The following ADK variants were observed in gnomAD, a reference collection of about 807,000 sequenced individuals.
ADK encodes the protein adenosine kinase.
A neutral mutation model predicts 44.7 loss-of-function variants in ADK; 24 were observed. The observed-to-expected ratio is 0.54, with a 90% CI of 0.39 to 0.76. The LOEUF is 0.76. Ranked by LOEUF, ADK falls within the 30% of genes least tolerant of loss-of-function variation. The probability of loss-of-function intolerance (pLI) is 0.00; values close to 1 mark genes in which losing one functional copy is unlikely to be tolerated. For synonymous variants in ADK, 128 were observed against 142.6 expected (o/e 0.90, Z 0.73); for missense variants, 321 against 425.1 (o/e 0.76, Z 2.15).
intron 6 of ADK, among the ~76,000 whole-genome samples, chr10:74,459,044 T>C (rs528968913): frequency 6.6e-6 from 1 of 152,246 alleles, no homozygotes; most frequent in South Asian, 2.1e-4. Context: ...CTTTGGAGGC[T>C]GAGGCGGGTG....
intron 2 of ADK, among the ~76,000 whole-genome samples, chr10:74,221,816 A>G (rs1369947499): frequency 6.7e-6 from 1 of 148,312 alleles, no homozygotes; most frequent in African/African-American, 2.6e-5. Context: ...CTGGCTAGCC[A>G]TATGGAGAAA....
chr10:74,661,269 A>C (rs887170580), intron 9 of ADK: 2 of 953,948 alleles, frequency 2.1e-6, no homozygotes, highest in African/African-American at 3.5e-5. Flanking sequence ...TATTTATTCC[A>C]TCATCACCTT....
chr10:74,200,156 G>GTTTTTT (rs760622376), intron 1 of ADK, among the ~76,000 whole-genome samples: 5 of 99,274 alleles, frequency 5.0e-5, no homozygotes, highest in African/African-American at 8.3e-5. Flanking sequence ...GACACCATCT[G>GTTTTTT]TTTTTTTTTT....
intron 7 of ADK, among the ~76,000 whole-genome samples, chr10:74,540,438 T>G (rs1849588391): frequency 6.6e-6 from 1 of 151,940 alleles, no homozygotes; most frequent in African/African-American, 2.4e-5. Context: ...AAATATATAT[T>G]TAATGTTCTT....
intron 10 of ADK, among the ~76,000 whole-genome samples, chr10:74,706,082 C>A (rs1856595950): frequency 6.6e-6 from 1 of 151,908 alleles, no homozygotes; most frequent in Admixed American, 6.6e-5. Context: ...ACATGTAATC[C>A]CAGTGCTTTG....
rs77531554 is a variant in ADK at position 74,514,066 on chromosome 10, G to A, written c.556-11190G>A. Among the ~76,000 whole-genome samples, 560 of 152,202 alleles carry A rather than the reference G, an allele frequency of 3.7e-3. 3 individuals carry two copies. The highest frequency in any genetic ancestry group is 0.013 in the African/African-American group (540 of 41,546). ...TTTTATTTGTCCTTTATTTCTGAAG[G>A]TTAGCTTTGCTGGGCGTATTCTTGG... On this transcript the variant is annotated intron_variant, in intron 6 of 10. Transcript: ENST00000539909.
At chr10:74,488,630 A>ATTTCTCTCCTC (rs6143984) in intron 6 of ADK, among the ~76,000 whole-genome samples, 1 of 150,018 alleles carries the variant, frequency 6.7e-6, no homozygotes, top group East Asian at 1.9e-4. Flanking sequence ...AGATAGCAGG[A>ATTTCTCTCCTC]TTAAAGAAAA....
At chr10:74,559,831 A>G (rs1589248119) in intron 7 of ADK, among the ~76,000 whole-genome samples, 1 of 144,786 alleles carries the variant, frequency 6.9e-6, no homozygotes, top group Non-Finnish European at 1.5e-5. Context: ...GGTTGGTTCA[A>G]TTTTTCCAAC....
At position 74,708,525 on chromosome 10, in the gene ADK, G is replaced by T; in HGVS notation, c.*80G>T. 1 of 1,508,882 alleles carries T rather than the reference G, an allele frequency of 6.6e-7. No homozygotes were observed. The highest frequency in any genetic ancestry group is 9.0e-7 in the Non-Finnish European group (1 of 1,112,472). 93.5% of individuals were successfully genotyped at this position (1,508,882 alleles called of 1,614,324 possible). Reference sequence around the variant, plus strand: ...TGAGAATTCCCATATTAATAAAGAAGAAAATTATCTGCCATTTTTTCCTAC... The same window carrying T: ...TGAGAATTCCCATATTAATAAAGAATAAAATTATCTGCCATTTTTTCCTAC... On this transcript the variant is annotated 3_prime_UTR_variant, in exon 11 of 11. Transcript: ENST00000539909.
At chr10:74,288,598 C>T (rs1050804768) in intron 3 of ADK, among the ~76,000 whole-genome samples, 5 of 151,750 alleles carry the variant, frequency 3.3e-5, no homozygotes, top group Admixed American at 1.3e-4. Context: ...TGTAGTGAGC[C>T]GAGATCACAC....
chr10:74,218,271 A>G (rs1008611719), intron 2 of ADK, among the ~76,000 whole-genome samples: 3 of 152,328 alleles, frequency 2.0e-5, no homozygotes, highest in Non-Finnish European at 4.4e-5. Context: ...GGGTATCAGC[A>G]ATGGAAGATG....
chr10:74,398,239 A>C (rs1164316451), intron 5 of ADK, among the ~76,000 whole-genome samples: 3 of 152,120 alleles, frequency 2.0e-5, no homozygotes, highest in Non-Finnish European at 4.4e-5. Flanking sequence ...TTAAATGCCA[A>C]TTTCTTTCTC....
intron 7 of ADK, among the ~76,000 whole-genome samples, chr10:74,581,155 T>C (rs1851361556): frequency 6.6e-6 from 1 of 152,126 alleles, no homozygotes; most frequent in Non-Finnish European, 1.5e-5. Flanking sequence ...ATGTTAGGAT[T>C]CGTTGACAAA....
chr10:74,503,186 G>A (rs1365694457), intron 6 of ADK, among the ~76,000 whole-genome samples: 1 of 152,086 alleles, frequency 6.6e-6, no homozygotes, highest in Non-Finnish European at 1.5e-5. Context: ...AATATTTATT[G>A]GGGCATTTTA....
intron 6 of ADK, among the ~76,000 whole-genome samples, chr10:74,461,253 G>A (rs2133242557): frequency 6.6e-6 from 1 of 152,078 alleles, no homozygotes; most frequent in East Asian, 1.9e-4. Context: ...AATAAATATA[G>A]TTCTTGCTTT....
chr10:74,392,209 A>T (rs1480884285), intron 4 of ADK, among the ~76,000 whole-genome samples: 1 of 152,106 alleles, frequency 6.6e-6, no homozygotes, highest in Admixed American at 6.6e-5. Flanking sequence ...TGTTAATTTA[A>T]TTTTTAATAT....
In ADK at chr10:74,274,747, TAC is replaced by T. The variant is rs139230998; in HGVS notation, c.195-39910_195-39909del. On this transcript the variant is annotated intron_variant, in intron 3 of 10. Coordinates refer to ENST00000539909, the MANE Select transcript of ADK (RefSeq NM_006721.4). ...TTTAATGTGTGTATATATATATATA[TAC>T]ACACACACATTATATATATATAATT... Among the ~76,000 whole-genome samples the T allele has an allele frequency of 7.3e-3, 696 of 95,330 alleles. 58 individuals carry two copies. Among genetic ancestry groups the T allele is most frequent in the Admixed American group, 0.013 (119 of 9,202 alleles). 62.5% of individuals were successfully genotyped at this position (95,330 alleles called of 152,430 possible). A position where few individuals can be genotyped will look rare whatever the true frequency, so the allele number is the denominator to read the frequency against.
chr10:74,563,522 T>C (rs959290555), intron 7 of ADK, among the ~76,000 whole-genome samples: 2 of 152,362 alleles, frequency 1.3e-5, no homozygotes, highest in Admixed American at 1.3e-4. Flanking sequence ...ACAATAGGTA[T>C]ATTCTAGTCA....
chr10:74,383,849 C>T (rs1843055993), intron 4 of ADK, among the ~76,000 whole-genome samples: 1 of 152,180 alleles, frequency 6.6e-6, no homozygotes, highest in South Asian at 2.1e-4. Flanking sequence ...CATCCTCTCA[C>T]ATGGATGGTC....
Sources: allele counts gnomAD v4.1 joint callset (sites outside exome capture counted in the v4.1 genomes callset), GRCh38; gene constraint gnomAD v4.1.1; transcripts MANE v1.5; gene names NCBI Gene and HGNC (gene_info 2026-07-23, HGNC 2026-07-21).